The following GNPTAB variants were observed in gnomAD, a reference collection of about 807,000 sequenced individuals.
The protein encoded by GNPTAB is N-acetylglucosamine-1-phosphate transferase subunits alpha and beta.
GNPTAB carries 92 observed loss-of-function variants against 136.6 expected under a neutral mutation model. That is an observed-to-expected ratio of 0.67 (90% CI 0.57 to 0.80). The LOEUF is 0.80. GNPTAB is among the 30% of genes least tolerant of loss of function. GNPTAB has a pLI of 0.00. For missense variants in GNPTAB, 1,343 were observed against 1,501.8 expected (o/e 0.89, Z 1.75); for synonymous variants, 512 against 535.1 (o/e 0.96, Z 0.60).
intron 17 of GNPTAB, 62 bp downstream of exon 17, chr12:101,757,510 A>G: frequency 1.1e-6 from 1 of 917,914 alleles, no homozygotes; most frequent in Non-Finnish European, 1.8e-6. Context: ...AGAATTATAA[A>G]AAAGCCAGAC....
rs1347624955 is a variant in GNPTAB at position 101,765,182 on chromosome 12, C to T, written c.1735G>A (p.Ala579Thr). 2 of 1,614,144 alleles carry T rather than the reference C, an allele frequency of 1.2e-6. No homozygotes were observed. The highest frequency in any genetic ancestry group is 1.7e-6 in the Non-Finnish European group (2 of 1,180,002). Residue 579 changes from alanine to threonine, a missense_variant, in exon 13 of 21, where the codon GCC becomes ACC. By Grantham distance (58) the Ala-to-Thr change is moderately conservative (BLOSUM62 0). Coordinates refer to ENST00000299314, the MANE Select transcript of GNPTAB (RefSeq NM_024312.5). ...CGAATTATTGGATTGTCACTATAGG[C>T]ACCTTCAACTCCTCTTTTGGCTACT... Reference protein sequence around the residue: ...AEVAKRGVEGAYSDNPIIRHA... With the variant: ...AEVAKRGVEGTYSDNPIIRHA...
intron 1 of GNPTAB, among the ~76,000 whole-genome samples, chr12:101,805,323 C>T (rs1869875075): frequency 6.6e-6 from 1 of 152,096 alleles, no homozygotes; most frequent in Non-Finnish European, 1.5e-5. Context: ...TTTTAAAATA[C>T]ACCAAGAAGA....
intron 1 of GNPTAB, among the ~76,000 whole-genome samples, chr12:101,799,698 T>C (rs1351925915): frequency 6.7e-6 from 1 of 149,926 alleles, no homozygotes; most frequent in Admixed American, 6.6e-5. Context: ...GGATGCATTG[T>C]CTCTGAAGTC....
chr12:101,787,227 T>C lies in GNPTAB; in HGVS notation c.366-1010A>G, dbSNP rs966487163. 6.6e-5 allele frequency among the ~76,000 whole-genome samples: 10 copies of C among 152,090 alleles called. No homozygotes were observed. The East Asian group carries it at 9.6e-4, about 15-fold the overall frequency. ...TATAAGTATCATGAAATATTGACAA[T>C]AGTGAAATACAGAAATGCCCAACAT... On this transcript the variant is annotated intron_variant, in intron 4 of 20. Transcript: ENST00000299314.
intron 8 of GNPTAB, 80 bp from the exon 9 acceptor site, chr12:101,770,665 C>T (rs1360345734): frequency 1.7e-5 from 17 of 1,005,472 alleles, no homozygotes; most frequent in Admixed American, 5.7e-5. Context: ...TCCTTCTGCC[C>T]GTCTGCTCTC....
In GNPTAB at chr12:101,770,014, C is replaced by T. The variant is rs1382336717; in HGVS notation, c.1284+7G>A. On this transcript the variant is annotated splice_region_variant and intron_variant, in intron 10 of 20. Transcript: ENST00000299314. Reference sequence around the variant, plus strand: ...GCTAGACAACCCCCCTCCTCTTAGGCACTCACCTTCTGGCCTTTGGAGTGA... The same window carrying T: ...GCTAGACAACCCCCCTCCTCTTAGGTACTCACCTTCTGGCCTTTGGAGTGA... The T allele has an allele frequency of 6.2e-7, 1 of 1,613,312 alleles. No individual in the cohort carries two copies. The highest frequency in any genetic ancestry group is 1.1e-5 in the South Asian group (1 of 91,080).
chr12:101,773,785 A>G (rs569042904), intron 7 of GNPTAB: 1 of 152,326 alleles, frequency 6.6e-6, no homozygotes, highest in South Asian at 2.1e-4. Context: ...AATCCTGGAC[A>G]TCATCATTAC....
Position 101,747,023 on chromosome 12 carries a change from T to C in GNPTAB, c.*141A>G. 1.5e-6 allele frequency: 1 copy of C among 683,576 alleles called. No individual in the cohort carries two copies. Among genetic ancestry groups the C allele is most frequent in the Non-Finnish European group, 2.7e-6 (1 of 370,364 alleles). The allele number at this position is 683,576 out of a possible 1,614,324, so 42.3% of individuals were successfully genotyped here. A position where few individuals can be genotyped will look rare whatever the true frequency, so the allele number is the denominator to read the frequency against. On this transcript the variant is annotated 3_prime_UTR_variant, in exon 21 of 21. Coordinates refer to ENST00000299314, the MANE Select transcript of GNPTAB (RefSeq NM_024312.5). ...ATTCCTGGTCAGTGGGCTATATTCA[T>C]GCCACAAAACAGCATGGTACTGGAT...
At chr12:101,795,884 C>T in intron 2 of GNPTAB, 1 of 204,792 alleles carries the variant, frequency 4.9e-6, no homozygotes, top group Non-Finnish European at 9.6e-6. Context: ...TTGTGTGATT[C>T]ATTTTATCTG....
At position 101,830,564 on chromosome 12, in the gene GNPTAB, C is replaced by G; in HGVS notation, c.112G>C (p.Gly38Arg). 3 of 1,606,470 alleles carry G rather than the reference C, an allele frequency of 1.9e-6. No individual in the cohort carries two copies. Among genetic ancestry groups the G allele is most frequent in the Non-Finnish European group, 2.6e-6 (3 of 1,174,240 alleles). The change falls in exon 1 of 21, where the codon GGA becomes CGA. Residue 38 changes from glycine to arginine, a missense_variant. Transcript: ENST00000299314. ...GCTGCGGCGCCGCTACTCACCTCTC[C>G]GAACTGGAAGGCGGAGACGATGGTG... ...VVTIVSAFQFGEVVLEWSRDQ... is the reference protein window; with the variant it reads ...VVTIVSAFQFREVVLEWSRDQ...
At chr12:101,813,423 A>T (rs1362646983) in intron 1 of GNPTAB, among the ~76,000 whole-genome samples, 1 of 152,148 alleles carries the variant, frequency 6.6e-6, no homozygotes, top group Non-Finnish European at 1.5e-5. Context: ...GTAGGGTGCT[A>T]CATTTAGGGA....
intron 2 of GNPTAB, among the ~76,000 whole-genome samples, chr12:101,793,031 C>T (rs1047713786): frequency 1.3e-5 from 2 of 152,178 alleles, no homozygotes; most frequent in Non-Finnish European, 2.9e-5. Context: ...GTAGGTTACA[C>T]ACTTCGCTTT....
chr12:101,760,144 C>A lies in GNPTAB; in HGVS notation c.3136-1G>T. The A allele has an allele frequency of 6.4e-7, 1 of 1,558,064 alleles. No homozygotes were observed. Among genetic ancestry groups the A allele is most frequent in the Non-Finnish European group, 8.9e-7 (1 of 1,129,204 alleles). On this transcript the variant is annotated splice_acceptor_variant, in intron 15 of 20. Coordinates refer to ENST00000299314, the MANE Select transcript of GNPTAB (RefSeq NM_024312.5). LOFTEE classifies it high-confidence loss of function. ...GCATGTGTTCCAGACCTGTCAAATCCTAACAAAGAAAAAGATGATAAATCT... is the reference window on the plus strand; with the variant it reads ...GCATGTGTTCCAGACCTGTCAAATCATAACAAAGAAAAAGATGATAAATCT...
chr12:101,802,141 T>A (rs1227525610), intron 1 of GNPTAB, among the ~76,000 whole-genome samples: 1 of 139,680 alleles, frequency 7.2e-6, no homozygotes, highest in Non-Finnish European at 1.5e-5. Context: ...GAGGCTGAAG[T>A]GAGCCATGAT....
intron 2 of GNPTAB, among the ~76,000 whole-genome samples, chr12:101,793,033 C>A (rs1333465741): frequency 6.6e-6 from 1 of 152,192 alleles, no homozygotes; most frequent in Non-Finnish European, 1.5e-5. Context: ...AGGTTACACA[C>A]TTCGCTTTTT....
chr12:101,763,237 AG>A (rs1566072776), intron 13 of GNPTAB, among the ~76,000 whole-genome samples: 5 of 73,852 alleles, frequency 6.8e-5, no homozygotes, highest in South Asian at 3.5e-4. Flanking sequence ...AAAAAAAAAA[AG>A]AAAGGAAAGG....
rs12366292 is a variant in GNPTAB, at chr12:101,760,438, C to T, written c.3136-295G>A. On this transcript the variant is annotated intron_variant, in intron 15 of 20. Coordinates refer to ENST00000299314, the MANE Select transcript of GNPTAB (RefSeq NM_024312.5). ...CCTGCAGCTAGATTCATCTGGGCAC[C>T]TCCATTAGTGAGTTTCCTACTCCTG... 0.064 allele frequency among the ~76,000 whole-genome samples: 9,784 copies of T among 152,194 alleles called. 388 individuals carry two copies. The highest frequency in any genetic ancestry group is 0.095 in the East Asian group (491 of 5,164).
chr12:101,756,034 T>C (rs1388460732), intron 18 of GNPTAB, among the ~76,000 whole-genome samples: 3 of 152,196 alleles, frequency 2.0e-5, no homozygotes, highest in Non-Finnish European at 4.4e-5. Flanking sequence ...CCCATCAAAA[T>C]TGGTTCTTAA....
At chr12:101,765,968 G>T (rs1315512457) in intron 12 of GNPTAB, 123 bp downstream of exon 12, 5 of 837,862 alleles carry the variant, frequency 6.0e-6, no homozygotes, top group South Asian at 1.3e-5. Flanking sequence ...TAGTTTGAAT[G>T]CAAGGCTGGT....
Sources: allele counts gnomAD v4.1 joint callset (sites outside exome capture counted in the v4.1 genomes callset), GRCh38; gene constraint gnomAD v4.1.1; transcripts MANE v1.5; gene names NCBI Gene and HGNC (gene_info 2026-07-23, HGNC 2026-07-21).